Variants in DSE observed in about 807,000 individuals in gnomAD.
DSE encodes the protein dermatan sulfate epimerase.
DSE carries 36 observed loss-of-function variants against 84.4 expected under a neutral mutation model. The ratio of observed to expected loss-of-function variants is 0.43; its 90% confidence interval spans 0.33 to 0.56. The LOEUF (loss-of-function observed/expected upper bound fraction) is 0.56. DSE is among the 20% of genes least tolerant of loss of function. The pLI, the probability that DSE is intolerant of heterozygous loss-of-function variation, is 0.06. For synonymous variants in DSE, 410 were observed against 430.1 expected (o/e 0.95, Z 0.58); for missense variants, 862 against 1,169.6 (o/e 0.74, Z 3.84).
intron 1 of DSE, among the ~76,000 whole-genome samples, chr6:116,377,225 C>G (rs1368462672): frequency 1.3e-5 from 2 of 152,156 alleles, no homozygotes; most frequent in African/African-American, 4.8e-5. Context: ...AACTTAGCTA[C>G]TAAATAATAG....
chr6:116,296,628 T>A (rs748706863), intron 2 of DSE, among the ~76,000 whole-genome samples: 1 of 151,994 alleles, frequency 6.6e-6, no homozygotes, highest in Non-Finnish European at 1.5e-5. Context: ...ACATTATAAG[T>A]GGAATGAACA....
intron 2 of DSE, among the ~76,000 whole-genome samples, chr6:116,305,503 A>G (rs1239632838): frequency 2.0e-5 from 3 of 152,238 alleles, no homozygotes; most frequent in Non-Finnish European, 2.9e-5. Flanking sequence ...ATTAGGTCCT[A>G]TACAAGAAAA....
At chr6:116,279,883 G>A (rs565846231) in intron 2 of DSE, 3 of 1,612,042 alleles carry the variant, frequency 1.9e-6, no homozygotes, top group Admixed American at 1.7e-5. Context: ...CTCAGAGGCC[G>A]AACTGGGAGC....
At chr6:116,322,652 G>A (rs1449076608) in intron 2 of DSE, among the ~76,000 whole-genome samples, 5 of 150,682 alleles carry the variant, frequency 3.3e-5, no homozygotes, top group African/African-American at 9.8e-5. Flanking sequence ...ATATCATTTC[G>A]TTGATGCTTA....
Position 116,436,722 on chromosome 6 carries a change from G to A in DSE, c.2254G>A (p.Val752Met). The change falls in exon 6 of 6, where the codon GTG becomes ATG. Residue 752 changes from valine to methionine, a missense_variant. By Grantham distance (21) the Val-to-Met change is conservative. Transcript: ENST00000644252. ...ACAGAACTTGCAGCATTTTAAACCAGTGTTTCAGCTGCTGGAGAAGCAGAT... is the reference window on the plus strand; with the variant it reads ...ACAGAACTTGCAGCATTTTAAACCAATGTTTCAGCTGCTGGAGAAGCAGAT... ...VEQNLQHFKP[V>M]FQLLEKQILS... 6.2e-7 allele frequency: 1 copy of A among 1,614,188 alleles called. No individual in the cohort carries two copies. The highest frequency in any genetic ancestry group is 8.5e-7 in the Non-Finnish European group (1 of 1,180,028).
At chr6:116,316,886 G>T (rs1459645776) in intron 2 of DSE, among the ~76,000 whole-genome samples, 1 of 148,430 alleles carries the variant, frequency 6.7e-6, no homozygotes, top group Non-Finnish European at 1.5e-5. Flanking sequence ...GTGCTGTGCA[G>T]GTACCTTAGC....
At position 116,325,671 on chromosome 6, in the gene DSE, A is replaced by C. The variant is rs145195958; in HGVS notation, c.-54+66704A>C. 2.6e-5 allele frequency among the ~76,000 whole-genome samples: 4 copies of C among 152,252 alleles called. No homozygotes were observed. In the East Asian group the frequency reaches 7.7e-4, roughly 29 times the overall value. ...TGCCCTCCATGTAAGGACCACTTCTACCTTCTCAAATACATAACCCATGTA... is the reference window on the plus strand; with the variant it reads ...TGCCCTCCATGTAAGGACCACTTCTCCCTTCTCAAATACATAACCCATGTA... On this transcript the variant is annotated intron_variant, in intron 2 of 3. Transcript: ENST00000430252.
intron 2 of DSE, among the ~76,000 whole-genome samples, chr6:116,261,669 G>T (rs1163004666): frequency 6.6e-6 from 1 of 152,164 alleles, no homozygotes; most frequent in Non-Finnish European, 1.5e-5. Context: ...GCATCCTTGT[G>T]TTGTGCTGCT....
At chr6:116,355,838 T>G (rs998446046) in intron 2 of DSE, 1 of 152,216 alleles carries the variant, frequency 6.6e-6, no homozygotes, top group African/African-American at 2.4e-5. Flanking sequence ...CCTCCTTTGT[T>G]TTACATTTGC....
rs71663790 is a variant in DSE, at chr6:116,352,693, G to GA, written c.-53-46495dup. On this transcript the variant is annotated intron_variant, in intron 2 of 3. Coordinates refer to the DSE transcript ENST00000430252. ...TGTGTTGAAGGAGTAAGATGGCCAA[G>GA]AAAAAAAAAATGTTAGGTCTGAGAG... is the stretch of plus-strand genomic sequence containing the variant. 1.0e-4 allele frequency among the ~76,000 whole-genome samples: 15 copies of GA among 149,016 alleles called. No homozygotes were observed. In the East Asian group the frequency reaches 1.8e-3, roughly 17 times the overall value.
At chr6:116,346,841 C>A (rs1778008614) in intron 2 of DSE, among the ~76,000 whole-genome samples, 1 of 152,192 alleles carries the variant, frequency 6.6e-6, no homozygotes, top group South Asian at 2.1e-4. Context: ...TCCCTGTTTG[C>A]AGATGACATG....
At chr6:116,325,885 T>G (rs1161357638) in intron 2 of DSE, among the ~76,000 whole-genome samples, 1 of 152,048 alleles carries the variant, frequency 6.6e-6, no homozygotes, top group Non-Finnish European at 1.5e-5. Flanking sequence ...CTCCTCCCTT[T>G]TAAGGGCTCA....
chr6:116,279,783 G>C, intron 2 of DSE: 1 of 1,612,812 alleles, frequency 6.2e-7, no homozygotes, highest in South Asian at 1.1e-5. Flanking sequence ...TAATGATGCT[G>C]TGGGTTTGGA....
intron 2 of DSE, among the ~76,000 whole-genome samples, chr6:116,411,095 A>C (rs563249279): frequency 2.9e-4 from 44 of 152,260 alleles, no homozygotes; most frequent in African/African-American, 1.0e-3. Context: ...ATATCTCTCA[A>C]GCTTTATTTT....
chr6:116,258,459 G>A (rs776854810), exon 2 of DSE: 24 of 891,460 alleles, frequency 2.7e-5, no homozygotes, highest in Non-Finnish European at 3.4e-5. Flanking sequence ...TGCCCTGAAG[G>A]GCAGACAGGT....
At chr6:116,311,676 C>T (rs1775703109) in intron 2 of DSE, among the ~76,000 whole-genome samples, 1 of 152,228 alleles carries the variant, frequency 6.6e-6, no homozygotes, top group African/African-American at 2.4e-5. Flanking sequence ...CCAACCTCTG[C>T]TTTCCTGCTC....
chr6:116,371,054 AG>A lies in DSE; in HGVS notation c.-119del. 3.0e-6 allele frequency: 3 copies of A among 985,752 alleles called. No individual in the cohort carries two copies. The highest frequency in any genetic ancestry group is 3.6e-6 in the Non-Finnish European group (3 of 830,354). 61.1% of individuals were successfully genotyped at this position (985,752 alleles called of 1,614,324 possible). On this transcript the variant is annotated 5_prime_UTR_variant, in exon 1 of 6. Transcript: ENST00000644252. The stretch of plus-strand genomic sequence containing the variant: ...GGAGCCCGGGCGCCCTGGAGTGAGG[AG>A]GACCGGGAGCTGGCTCTGGAGGCTG...
At chr6:116,355,919 A>G (rs1216452692) in intron 2 of DSE, 2 of 152,252 alleles carry the variant, frequency 1.3e-5, no homozygotes, top group African/African-American at 2.4e-5. Flanking sequence ...TTACACTGTC[A>G]TAGAATTAGT....
At chr6:116,293,320 C>T (rs903852896) in intron 2 of DSE, among the ~76,000 whole-genome samples, 2 of 149,562 alleles carry the variant, frequency 1.3e-5, no homozygotes, top group African/African-American at 2.5e-5. Context: ...TCACCAGACT[C>T]GAGTGCAGTG....
Sources: allele counts gnomAD v4.1 joint callset (sites outside exome capture counted in the v4.1 genomes callset), GRCh38; gene constraint gnomAD v4.1.1; transcripts MANE v1.5; gene names NCBI Gene and HGNC (gene_info 2026-07-23, HGNC 2026-07-21).